Variants in PDE4D observed in about 807,000 individuals in gnomAD.
PDE4D encodes the protein 3',5'-cyclic-AMP phosphodiesterase 4D.
PDE4D carries 24 observed loss-of-function variants against 87.4 expected under a neutral mutation model. The observed-to-expected ratio is 0.27, with a 90% confidence interval of 0.20 to 0.39. The LOEUF is 0.39. PDE4D is among the 10% of genes least tolerant of loss of function. The pLI, the probability that PDE4D is intolerant of heterozygous loss-of-function variation, is 1.00. For missense variants in PDE4D, 714 were observed against 1,041.0 expected (o/e 0.69, Z 4.32); for synonymous variants, 384 against 383.2 (o/e 1.00, Z -0.02).
intron 1 of PDE4D, among the ~76,000 whole-genome samples, chr5:59,828,697 C>T (rs904806158): frequency 5.3e-5 from 8 of 152,054 alleles, no homozygotes; most frequent in Admixed American, 4.6e-4. Context: ...AAAATATTGG[C>T]CTGACCCCAT....
chr5:59,418,734 C>T (rs570819048), intron 1 of PDE4D, among the ~76,000 whole-genome samples: 3 of 152,184 alleles, frequency 2.0e-5, no homozygotes, highest in Non-Finnish European at 2.9e-5. Context: ...CTGCAGCCTT[C>T]GCCTCCCAGG....
chr5:60,414,757 C>T (rs2150072786), intron 1 of PDE4D, among the ~76,000 whole-genome samples: 1 of 152,328 alleles, frequency 6.6e-6, no homozygotes, highest in East Asian at 1.9e-4. Flanking sequence ...AGTTGTGCCT[C>T]TTATGTAAAC....
intron 1 of PDE4D, among the ~76,000 whole-genome samples, chr5:60,376,094 C>G (rs930762942): frequency 6.6e-6 from 1 of 152,124 alleles, no homozygotes; most frequent in Non-Finnish European, 1.5e-5. Context: ...AACTGTCAGG[C>G]CTCGTCAGAA....
intron 1 of PDE4D, among the ~76,000 whole-genome samples, chr5:59,805,489 C>A (rs988876984): frequency 6.6e-6 from 1 of 152,202 alleles, no homozygotes; most frequent in South Asian, 2.1e-4. Context: ...TTTACACTTA[C>A]AATTTGTGCA....
chr5:59,774,689 C>A (rs115328596), intron 1 of PDE4D, among the ~76,000 whole-genome samples: 1 of 132,408 alleles, frequency 7.6e-6, no homozygotes, highest in African/African-American at 2.8e-5. Flanking sequence ...TTTCTTTTTT[C>A]TTTTTTTTTT....
intron 1 of PDE4D, among the ~76,000 whole-genome samples, chr5:59,328,876 T>C (rs1776198206): frequency 6.6e-6 from 1 of 152,226 alleles, no homozygotes; most frequent in Non-Finnish European, 1.5e-5. Flanking sequence ...TGCCAAATAC[T>C]TTCTGGCAGC....
chr5:60,461,691 A>C, intron 1 of PDE4D, among the ~76,000 whole-genome samples: 1 of 152,218 alleles, frequency 6.6e-6, no homozygotes, highest in South Asian at 2.1e-4. Context: ...ACCAGCAAAC[A>C]AAAAAACATT....
At chr5:59,388,478 C>G (rs1787547700) in intron 1 of PDE4D, among the ~76,000 whole-genome samples, 1 of 152,058 alleles carries the variant, frequency 6.6e-6, no homozygotes, top group South Asian at 2.1e-4. Context: ...CCAGCAGTTT[C>G]ACTACTAGGT....
intron 2 of PDE4D, among the ~76,000 whole-genome samples, chr5:60,026,365 T>A (rs1766622576): frequency 6.6e-6 from 1 of 152,166 alleles, no homozygotes; most frequent in Non-Finnish European, 1.5e-5. Context: ...AAGAGCAGCC[T>A]GACAACATGG....
At chr5:60,191,935 G>T (rs997333779) in intron 1 of PDE4D, among the ~76,000 whole-genome samples, 1 of 152,132 alleles carries the variant, frequency 6.6e-6, no homozygotes, top group Non-Finnish European at 1.5e-5. Flanking sequence ...AGGAGGCAGA[G>T]GTTGCAGTGA....
intron 1 of PDE4D, among the ~76,000 whole-genome samples, chr5:59,263,157 G>A (rs958072944): frequency 6.6e-6 from 1 of 151,904 alleles, no homozygotes; most frequent in African/African-American, 2.4e-5. Context: ...AAAATTGACT[G>A]TAATATTCTT....
intron 2 of PDE4D, among the ~76,000 whole-genome samples, chr5:59,214,077 C>CACACACA (rs914634790): frequency 7.9e-5 from 11 of 140,008 alleles, no homozygotes; most frequent in African/African-American, 2.7e-4. Context: ...CACACACACA[C>CACACACA]AACCATTCTA....
chr5:59,476,737 A>G lies in PDE4D; in HGVS notation c.456-260769T>C, dbSNP rs907762125. Among the ~76,000 whole-genome samples the G allele has an allele frequency of 2.0e-5, 3 of 152,158 alleles. No homozygotes were observed. The East Asian group carries it at 5.8e-4, about 29-fold the overall frequency. ...TGGAAAACTGCATTGCATGTGGTCA[A>G]ATGTCCATCTCCTCCCATCCCTATA... On this transcript the variant is annotated intron_variant, in intron 1 of 14. Transcript: ENST00000340635.
chr5:59,039,679 T>A (rs773790679), intron 5 of PDE4D: 34 of 236,134 alleles, frequency 1.4e-4, no homozygotes, highest in Non-Finnish European at 2.1e-4. Context: ...CCTGTCCCTG[T>A]CCGTGCCACC....
At chr5:59,367,811 G>GA (rs982742655) in intron 1 of PDE4D, among the ~76,000 whole-genome samples, 1 of 152,186 alleles carries the variant, frequency 6.6e-6, no homozygotes, top group Non-Finnish European at 1.5e-5. Flanking sequence ...AAGAGAGAGA[G>GA]AAAGAAGCAG....
chr5:59,331,010 A>T (rs1776632516), intron 1 of PDE4D, among the ~76,000 whole-genome samples: 1 of 152,124 alleles, frequency 6.6e-6, no homozygotes, highest in Admixed American at 6.6e-5. Context: ...CCCAGTTTCC[A>T]GTCTTGAGAG....
chr5:59,866,552 G>A (rs1242449012), intron 1 of PDE4D, among the ~76,000 whole-genome samples: 1 of 152,108 alleles, frequency 6.6e-6, no homozygotes, highest in Non-Finnish European at 1.5e-5. Flanking sequence ...GGAAGGCTGG[G>A]GCAGGAGGAT....
intron 1 of PDE4D, among the ~76,000 whole-genome samples, chr5:59,554,006 A>T (rs953109751): frequency 6.6e-6 from 1 of 152,170 alleles, no homozygotes; most frequent in African/African-American, 2.4e-5. Context: ...TGTTATACAC[A>T]TTAGCTTTCT....
chr5:59,216,062 G>T, intron 1 of PDE4D, 94 bp from the exon 2 acceptor site: 1 of 779,126 alleles, frequency 1.3e-6, no homozygotes, highest in Non-Finnish European at 2.0e-6. Context: ...ACTGACAGTG[G>T]AATTAGCAGG....
Sources: gnomAD v4.1 joint callset for allele counts (sites outside exome capture counted in the v4.1 genomes callset) on GRCh38, gnomAD v4.1.1 for gene constraint, MANE v1.5 for transcripts, NCBI Gene and HGNC (gene_info 2026-07-23, HGNC 2026-07-21) for gene names.